The following NISCH variants were observed in gnomAD, a reference collection of about 807,000 sequenced individuals.
NISCH encodes nischarin.
A neutral mutation model predicts 138.4 loss-of-function variants in NISCH; 55 were observed. The ratio of observed to expected loss-of-function variants is 0.40; its 90% CI spans 0.32 to 0.50. The LOEUF (loss-of-function observed/expected upper bound fraction) is 0.50. Among genes scored for constraint, NISCH ranks in the 20% least tolerant of loss-of-function variants. The probability of loss-of-function intolerance (pLI) is 0.71; values close to 1 mark genes in which losing one functional copy is unlikely to be tolerated. For synonymous variants in NISCH, 860 were observed against 861.5 expected (o/e 1.00, Z 0.03); for missense variants, 1,643 against 2,005.5 (o/e 0.82, Z 3.45).
rs770782215 is a variant in NISCH at position 52,477,628 on chromosome 3, G to T, written c.973G>T (p.Val325Leu). ...CCTGAGTCACAATGGATTGCTGGTT[G>T]TGGACAATCTGCAGGTAGTGCCTTT... ...LDLSHNGLLV[V>L]DNLQHLYNLV... is the part of the protein sequence containing the mutation. The change falls in exon 9 of 21, where the codon GTG (valine) becomes TTG (leucine). Residue 325 changes from valine (V) to leucine (L), a missense_variant. Val to Leu is a conservative substitution (Grantham distance 32, BLOSUM62 1). Coordinates refer to ENST00000345716, the MANE Select transcript of NISCH (RefSeq NM_007184.4). 6.2e-7 allele frequency: 1 copy of T among 1,613,964 alleles called. No individual in the cohort carries two copies. Among genetic ancestry groups the T allele is most frequent in the Admixed American group, 1.7e-5 (1 of 60,034 alleles).
Position 52,487,254 on chromosome 3 carries a change from C to T in NISCH, c.1762C>T (p.Leu588=). 6.2e-7 allele frequency: 1 copy of T among 1,614,198 alleles called. No individual in the cohort carries two copies. The change falls in exon 16 of 21, where the codon CTG becomes TTG. Residue 588 remains leucine, a synonymous_variant. Transcript: ENST00000345716. The surrounding 1 kb of genome is among the most constrained non-coding windows in gnomAD (Gnocchi z 9.1). ...VVPGSGQIIF[L]PFTCIGYTAT... ...GCCGGGGTCTGGCCAGATCATCTTCCTGCCCTTCACCTGCATTGGCTACAC... is the reference window on the plus strand; with the variant it reads ...GCCGGGGTCTGGCCAGATCATCTTCTTGCCCTTCACCTGCATTGGCTACAC...
chr3:52,489,817 C>A, intron 17 of NISCH, 139 bp downstream of exon 17: 1 of 1,419,540 alleles, frequency 7.0e-7, no homozygotes, highest in Non-Finnish European at 9.3e-7. Flanking sequence ...GCTTTGAGGA[C>A]CTGGGCAGTG....
At chr3:52,475,132 G>A (rs1707062343) in intron 7 of NISCH, among the ~76,000 whole-genome samples, 1 of 151,882 alleles carries the variant, frequency 6.6e-6, no homozygotes, top group African/African-American at 2.4e-5. Flanking sequence ...CAAGGCAGGA[G>A]GATTCCTTGA....
At chr3:52,462,029 G>A (rs1488342017) in intron 3 of NISCH, among the ~76,000 whole-genome samples, 3 of 152,294 alleles carry the variant, frequency 2.0e-5, no homozygotes, top group South Asian at 2.1e-4. Flanking sequence ...GGCTCTGAGG[G>A]TGGAAAGGCC....
Position 52,455,693 on chromosome 3 carries a change from G to A in NISCH, c.52G>A (p.Glu18Lys), listed in dbSNP as rs1317884426. Reference sequence around the variant, plus strand: ...CGAGCGGGAAGCCGAGCCGGCCAAGGAAGCGCGCGTCGTGGGCTCGGAGCT... The same window carrying A: ...CGAGCGGGAAGCCGAGCCGGCCAAGAAAGCGCGCGTCGTGGGCTCGGAGCT... ...GPEREAEPAK[E>K]ARVVGSELVD... The change falls in exon 1 of 21, where the codon GAA becomes AAA. Residue 18 changes from glutamate (E) to lysine (K), a missense_variant. By Grantham distance (56) the Glu-to-Lys change is moderately conservative. Coordinates refer to ENST00000345716, the MANE Select transcript of NISCH (RefSeq NM_007184.4). The A allele has an allele frequency of 5.9e-6, 8 of 1,365,522 alleles. No individual in the cohort carries two copies. The highest frequency in any genetic ancestry group is 7.6e-6 in the Non-Finnish European group (8 of 1,049,156). 84.6% of individuals were successfully genotyped at this position (1,365,522 alleles called of 1,614,324 possible).
chr3:52,459,809 T>C (rs1188519512), intron 3 of NISCH, among the ~76,000 whole-genome samples: 1 of 151,676 alleles, frequency 6.6e-6, no homozygotes, highest in Non-Finnish European at 1.5e-5. Flanking sequence ...GCAAAAAGGA[T>C]ATATGAACAA....
chr3:52,471,856 C>T lies in NISCH; in HGVS notation c.452C>T (p.Pro151Leu), dbSNP rs1352558703. ...LGAGEVFAIG[P>L]LQLYAVTEQL... Reference sequence around the variant, plus strand: ...GCCGGCGAGGTCTTTGCCATTGGACCCCTGCAGCTGTATGCCGTCACGGAG... The same window carrying T: ...GCCGGCGAGGTCTTTGCCATTGGACTCCTGCAGCTGTATGCCGTCACGGAG... The change falls in exon 5 of 21, where the codon CCC becomes CTC. Residue 151 changes from proline to leucine, a missense_variant. By Grantham distance (98) the Pro-to-Leu change is moderately conservative (BLOSUM62 -3). Coordinates refer to ENST00000345716, the MANE Select transcript of NISCH (RefSeq NM_007184.4). The T allele has an allele frequency of 7.4e-6, 12 of 1,613,940 alleles. No individual in the cohort carries two copies. In the East Asian group the frequency reaches 2.5e-4, roughly 33 times the overall value.
chr3:52,476,635 G>A (rs758576786), intron 8 of NISCH, 36 bp downstream of exon 8: 26 of 1,610,012 alleles, frequency 1.6e-5, no homozygotes, highest in Non-Finnish European at 2.2e-5. Context: ...GGGTTTCTCT[G>A]GCCCCACCAA....
At chr3:52,469,091 G>A (rs1048323268) in intron 3 of NISCH, among the ~76,000 whole-genome samples, 1 of 152,132 alleles carries the variant, frequency 6.6e-6, no homozygotes, top group Non-Finnish European at 1.5e-5. Context: ...AACAGGAAAA[G>A]GACACCCTGT....
At chr3:52,471,311 G>T (rs1706938905) in intron 4 of NISCH, 1 of 290,448 alleles carries the variant, frequency 3.4e-6, no homozygotes, top group Non-Finnish European at 6.5e-6. Context: ...TATAGGGAAG[G>T]ATACGGGGTC....
At position 52,490,704 on chromosome 3, in the gene NISCH, G is replaced by C; in HGVS notation, c.3614-1G>C. 1 of 1,614,158 alleles carries C rather than the reference G, an allele frequency of 6.2e-7. No homozygotes were observed. The highest frequency in any genetic ancestry group is 1.1e-5 in the South Asian group (1 of 91,088). On this transcript the variant is annotated splice_acceptor_variant, in intron 18 of 20. Coordinates refer to ENST00000345716, the MANE Select transcript of NISCH (RefSeq NM_007184.4). LOFTEE classifies it high-confidence loss of function. ...CCTCTGTCCCTTTCTCCATCACACAGATTTCTGGCATCAGAAAAACACCGA... is the reference window on the plus strand; with the variant it reads ...CCTCTGTCCCTTTCTCCATCACACACATTTCTGGCATCAGAAAAACACCGA...
intron 5 of NISCH, 150 bp from the exon 6 acceptor site, chr3:52,472,153 A>G: frequency 4.1e-6 from 4 of 967,582 alleles, no homozygotes; most frequent in Non-Finnish European, 6.3e-6. Flanking sequence ...GGCGGTCGTG[A>G]CCCAGTGTCC....
At chr3:52,491,207 C>T (rs554101338) in intron 19 of NISCH, 145 bp from the exon 20 acceptor site, 45 of 1,295,602 alleles carry the variant, frequency 3.5e-5, no homozygotes, top group Middle Eastern at 5.7e-4. Flanking sequence ...GGCCTCCTCC[C>T]GGGCCCCATG....
intron 15 of NISCH, chr3:52,486,588 T>A (rs1431750577): frequency 1.3e-5 from 2 of 152,376 alleles, no homozygotes; most frequent in Non-Finnish European, 2.9e-5. Context: ...TTTTCTGTTT[T>A]TAGTAGGGAC....
intron 3 of NISCH, among the ~76,000 whole-genome samples, chr3:52,459,520 G>A (rs565133909): frequency 2.6e-5 from 4 of 152,154 alleles, no homozygotes; most frequent in South Asian, 4.1e-4. Flanking sequence ...TACAACCTCC[G>A]CCTCTTGGGT....
At chr3:52,472,986 C>T (rs1706994808) in intron 6 of NISCH, among the ~76,000 whole-genome samples, 1 of 152,208 alleles carries the variant, frequency 6.6e-6, no homozygotes, top group Non-Finnish European at 1.5e-5. Flanking sequence ...ATTGAATCTT[C>T]CCAACAGCCC....
At chr3:52,481,594 T>G in intron 13 of NISCH, 1 of 985,612 alleles carries the variant, frequency 1.0e-6, no homozygotes, top group Non-Finnish European at 1.2e-6. Flanking sequence ...GAGCTGCATC[T>G]GCTTCTCAAG....
At chr3:52,477,765 G>T in intron 9 of NISCH, 123 bp downstream of exon 9, 1 of 793,698 alleles carries the variant, frequency 1.3e-6, no homozygotes. Flanking sequence ...TGCTGTCTTC[G>T]CTTTAGGATC....
chr3:52,481,661 C>T, intron 13 of NISCH: 1 of 985,540 alleles, frequency 1.0e-6, no homozygotes, highest in Non-Finnish European at 1.2e-6. Flanking sequence ...AGTGAGTGGG[C>T]AGGTAGAGCA....
Sources: allele counts gnomAD v4.1 joint callset (sites outside exome capture counted in the v4.1 genomes callset), GRCh38; gene constraint gnomAD v4.1.1; non-coding constraint Gnocchi (gnomAD v3.1); transcripts MANE v1.5; gene names NCBI Gene and HGNC (gene_info 2026-07-23, HGNC 2026-07-21).